Variants in ADAMTSL3 observed in about 807,000 individuals in gnomAD.
ADAMTSL3 encodes ADAMTS like 3, also known as ADAMTS-like protein 3.
In ADAMTSL3, 128 loss-of-function variants were observed where a neutral mutation model predicts 201.7. The observed-to-expected ratio is 0.63, with a 90% CI of 0.55 to 0.73. The LOEUF (loss-of-function observed/expected upper bound fraction) is 0.73, where lower values mean the gene tolerates loss of function less well. ADAMTSL3 is among the 30% of genes least tolerant of loss of function. The pLI is 0.00. For synonymous variants in ADAMTSL3, 738 were observed against 748.4 expected (o/e 0.99, Z 0.23); for missense variants, 1,990 against 2,119.6 (o/e 0.94, Z 1.20).
chr15:83,846,167 A>G (rs535151012), intron 7 of ADAMTSL3, among the ~76,000 whole-genome samples: 6 of 152,328 alleles, frequency 3.9e-5, no homozygotes, highest in South Asian at 2.1e-4. Flanking sequence ...TAGTAAAAAT[A>G]CTTATTGGGA....
intron 7 of ADAMTSL3, among the ~76,000 whole-genome samples, chr15:83,840,964 A>G (rs2064362114): frequency 6.6e-6 from 1 of 152,200 alleles, no homozygotes; most frequent in Non-Finnish European, 1.5e-5. Context: ...CTGCAAAGTC[A>G]TTATTGGACA....
chr15:83,748,843 G>A (rs558871717), intron 3 of ADAMTSL3, among the ~76,000 whole-genome samples: 1 of 152,190 alleles, frequency 6.6e-6, no homozygotes, highest in Admixed American at 6.5e-5. Flanking sequence ...AAGAGGAGTG[G>A]CCTGGGGAGT....
intron 6 of ADAMTSL3, among the ~76,000 whole-genome samples, chr15:83,835,457 A>G (rs2141970374): frequency 6.6e-6 from 1 of 152,296 alleles, no homozygotes; most frequent in Non-Finnish European, 1.5e-5. Flanking sequence ...AGCAAATATC[A>G]GTGCTCAGGG....
rs760473230 is a variant in ADAMTSL3 at position 83,982,991 on chromosome 15, A to G, written c.3363A>G (p.Ile1121Met). The G allele has an allele frequency of 1.2e-6, 2 of 1,614,154 alleles. No individual in the cohort carries two copies. The highest frequency in any genetic ancestry group is 1.1e-5 in the South Asian group (1 of 91,076). Reference sequence around the variant, plus strand: ...GCGATGATCTTGCGTCCCAGCTGATATATCAGCTGGTGGCCGAATTAGCCA... The same window carrying G: ...GCGATGATCTTGCGTCCCAGCTGATGTATCAGCTGGTGGCCGAATTAGCCA... Reference protein sequence around the residue: ...EVSDDLASQLIYQLVAELAKA... With the variant: ...EVSDDLASQLMYQLVAELAKA... The change falls in exon 21 of 30, where the codon ATA (isoleucine) becomes ATG (methionine). Residue 1121 changes from isoleucine to methionine, a missense_variant. Transcript: ENST00000286744.
At chr15:83,919,939 G>T (rs1459935701) in intron 16 of ADAMTSL3, among the ~76,000 whole-genome samples, 1 of 152,172 alleles carries the variant, frequency 6.6e-6, no homozygotes, top group African/African-American at 2.4e-5. Context: ...TTCCCATCTG[G>T]TTGTTTCTGT....
intron 2 of ADAMTSL3, among the ~76,000 whole-genome samples, chr15:83,683,680 C>G (rs1171367653): frequency 6.6e-6 from 1 of 152,120 alleles, no homozygotes; most frequent in Non-Finnish European, 1.5e-5. Context: ...GAAAACAGTT[C>G]CTGGCAGCCT....
At chr15:83,827,244 A>G (rs2141945171) in intron 6 of ADAMTSL3, among the ~76,000 whole-genome samples, 1 of 152,152 alleles carries the variant, frequency 6.6e-6, no homozygotes, top group Non-Finnish European at 1.5e-5. Flanking sequence ...TTTTGATTTC[A>G]TTTCTCTGAT....
intron 5 of ADAMTSL3, among the ~76,000 whole-genome samples, chr15:83,813,233 G>A (rs776292037): frequency 1.3e-4 from 20 of 152,140 alleles, no homozygotes; most frequent in Non-Finnish European, 2.6e-4. Flanking sequence ...GGAAGAGCAG[G>A]GAATTAACTG....
chr15:83,789,679 C>T (rs906924605), intron 4 of ADAMTSL3, among the ~76,000 whole-genome samples: 14 of 152,098 alleles, frequency 9.2e-5, no homozygotes, highest in Non-Finnish European at 2.1e-4. Context: ...GGGATCTCAG[C>T]ATTAAATACA....
chr15:83,884,049 C>T (rs377351418), intron 9 of ADAMTSL3, among the ~76,000 whole-genome samples: 4 of 151,192 alleles, frequency 2.6e-5, no homozygotes, highest in African/African-American at 9.7e-5. Context: ...CATGCCACCA[C>T]ACCCAGCTAA....
intron 3 of ADAMTSL3, among the ~76,000 whole-genome samples, chr15:83,765,273 G>A (rs2062872143): frequency 6.6e-6 from 1 of 152,234 alleles, no homozygotes; most frequent in South Asian, 2.1e-4. Context: ...CCTTAAGGTA[G>A]TATTAACCTG....
chr15:83,816,247 C>A (rs2063768736), intron 5 of ADAMTSL3, among the ~76,000 whole-genome samples: 1 of 152,132 alleles, frequency 6.6e-6, no homozygotes, highest in South Asian at 2.1e-4. Flanking sequence ...CAGTCCAACC[C>A]CAGATTGATA....
In ADAMTSL3 at chr15:83,926,817, A is replaced by G. The variant is rs148916082; in HGVS notation, c.2117+2784A>G. Among the ~76,000 whole-genome samples, 35 of 152,210 alleles carry G rather than the reference A, an allele frequency of 2.3e-4. No homozygotes were observed. In the Middle Eastern group the frequency reaches 0.01, roughly 44 times the overall value. On this transcript the variant is annotated intron_variant, in intron 17 of 29. Coordinates refer to ENST00000286744, the MANE Select transcript of ADAMTSL3 (RefSeq NM_207517.3). The stretch of plus-strand genomic sequence containing the variant: ...TTTTTAGTAGAGATGGGGTTTCACC[A>G]TGTTGGCTAGGCTGGTCTCAAACTC...
Position 83,773,493 on chromosome 15 carries a change from T to C in ADAMTSL3, c.190-30T>C, listed in dbSNP as rs759747458. ...TGCCTATACTTTATTGTGTGGTTTT[T>C]TTTTTGTTTGTTTGCTTTTTAACAT... On this transcript the variant is annotated intron_variant, in intron 3 of 29. Coordinates refer to ENST00000286744, the MANE Select transcript of ADAMTSL3 (RefSeq NM_207517.3). 4.3e-6 allele frequency: 7 copies of C among 1,610,136 alleles called. 1 individual carries two copies. In the South Asian group the frequency reaches 6.7e-5, roughly 15 times the overall value.
chr15:83,956,410 G>A lies in ADAMTSL3; in HGVS notation c.2490+13328G>A, dbSNP rs2066862544. Among the ~76,000 whole-genome samples the A allele has an allele frequency of 2.0e-5, 3 of 152,194 alleles. No individual in the cohort carries two copies. The South Asian group carries it at 6.2e-4, about 31-fold the overall frequency. Reference sequence around the variant, plus strand: ...GGCTCACCCAATTTTTAGTTCTTATGAAGGTGCTTTTTTGTTCACAGATAA... The same window carrying A: ...GGCTCACCCAATTTTTAGTTCTTATAAAGGTGCTTTTTTGTTCACAGATAA... On this transcript the variant is annotated intron_variant, in intron 19 of 29. Coordinates refer to ENST00000286744, the MANE Select transcript of ADAMTSL3 (RefSeq NM_207517.3).
intron 2 of ADAMTSL3, among the ~76,000 whole-genome samples, chr15:83,699,659 C>T (rs1213221131): frequency 6.6e-6 from 1 of 152,212 alleles, no homozygotes; most frequent in Non-Finnish European, 1.5e-5. Context: ...CTTTTCCCTT[C>T]CTTCTTTATC....
intron 20 of ADAMTSL3, among the ~76,000 whole-genome samples, chr15:83,971,279 C>G (rs2067188889): frequency 3.9e-5 from 6 of 152,016 alleles, no homozygotes; most frequent in Admixed American, 2.6e-4. Context: ...TTATGTGGGC[C>G]AGGCGCAGTG....
intron 4 of ADAMTSL3, among the ~76,000 whole-genome samples, chr15:83,781,118 A>G (rs533924533): frequency 6.6e-4 from 100 of 152,324 alleles, no homozygotes; most frequent in African/African-American, 2.1e-3. Flanking sequence ...CTATTTTAAC[A>G]TCCATATGGA....
intron 3 of ADAMTSL3, among the ~76,000 whole-genome samples, chr15:83,736,266 TA>T (rs905625685): frequency 3.9e-5 from 6 of 152,224 alleles, no homozygotes; most frequent in Non-Finnish European, 8.8e-5. Flanking sequence ...AATTATAATT[TA>T]AAAATTAGAC....
Sources: gnomAD v4.1 joint callset for allele counts (sites outside exome capture counted in the v4.1 genomes callset) on GRCh38, gnomAD v4.1.1 for gene constraint, MANE v1.5 for transcripts, NCBI Gene and HGNC (gene_info 2026-07-23, HGNC 2026-07-21) for gene names.